The following PDE8A variants were observed in gnomAD, a reference collection of about 807,000 sequenced individuals.
PDE8A encodes phosphodiesterase 8A.
PDE8A carries 59 observed loss-of-function variants against 105.0 expected under a neutral mutation model. The observed-to-expected ratio is 0.56, with a 90% CI of 0.46 to 0.70. The LOEUF (loss-of-function observed/expected upper bound fraction) is 0.70. Among genes scored for constraint, PDE8A ranks in the 30% least tolerant of loss-of-function variants. PDE8A has a pLI of 0.00. For missense variants in PDE8A, 1,014 were observed against 1,045.9 expected, an observed-to-expected ratio of 0.97 and a Z score of 0.42; for synonymous variants, 355 against 371.9, an observed-to-expected ratio of 0.95 and a Z score of 0.52.
intron 1 of PDE8A, among the ~76,000 whole-genome samples, chr15:85,035,195 T>C (rs923187367): frequency 1.4e-5 from 2 of 137,992 alleles, no homozygotes; most frequent in Non-Finnish European, 3.1e-5. Context: ...TCTGGGTATT[T>C]CCTTTTTTTT....
intron 11 of PDE8A, 68 bp downstream of exon 11, chr15:85,100,266 T>G: frequency 7.4e-7 from 1 of 1,345,768 alleles, no homozygotes; most frequent in Admixed American, 1.8e-5. Context: ...AAACAGATCT[T>G]TAACTAGCTT....
chr15:85,090,735 C>T lies in PDE8A; in HGVS notation c.715-309C>T, dbSNP rs773017570. On this transcript the variant is annotated intron_variant, in intron 7 of 21. Transcript: ENST00000394553. ...CTAAACAGCCCTGTTGTAGCAGCTC[C>T]TGGTTTGGCGCTGTGCACATCCCTT... The T allele has an allele frequency of 6.1e-5, 29 of 475,604 alleles. No homozygotes were observed. In the East Asian group the frequency reaches 1.4e-3, roughly 23 times the overall value. 29.5% of individuals were successfully genotyped at this position (475,604 alleles called of 1,614,324 possible).
chr15:85,115,430 T>G lies in PDE8A; in HGVS notation c.1351-9T>G. On this transcript the variant is annotated splice_polypyrimidine_tract_variant and intron_variant, in intron 14 of 21. Transcript: ENST00000394553. The stretch of plus-strand genomic sequence containing the variant: ...CTTTTCTTTTTCTTGTTTCCTTGAT[T>G]TTTATCAGGATGGTTTGCGAAGACT... 1 of 1,535,448 alleles carries G rather than the reference T, an allele frequency of 6.5e-7. No individual in the cohort carries two copies. The highest frequency in any genetic ancestry group is 8.8e-7 in the Non-Finnish European group (1 of 1,135,846).
intron 1 of PDE8A, among the ~76,000 whole-genome samples, chr15:85,028,113 A>G (rs2080549067): frequency 6.6e-6 from 1 of 152,184 alleles, no homozygotes; most frequent in Non-Finnish European, 1.5e-5. Context: ...TTTTTTAAAA[A>G]TCTTTTTTGA....
intron 1 of PDE8A, among the ~76,000 whole-genome samples, chr15:85,023,149 T>G (rs2080456791): frequency 6.6e-6 from 1 of 152,206 alleles, no homozygotes; most frequent in Non-Finnish European, 1.5e-5. Context: ...TTGCCTCATT[T>G]TGCTTTGTGA....
intron 1 of PDE8A, among the ~76,000 whole-genome samples, chr15:85,000,800 A>G (rs2080055399): frequency 6.6e-6 from 1 of 152,212 alleles, no homozygotes; most frequent in Non-Finnish European, 1.5e-5. Flanking sequence ...CTGTAGAGCC[A>G]GGTAGCTAAA....
intron 1 of PDE8A, among the ~76,000 whole-genome samples, chr15:85,055,855 T>C (rs963728548): frequency 6.6e-6 from 1 of 152,196 alleles, no homozygotes; most frequent in African/African-American, 2.4e-5. Flanking sequence ...GTCATTATGA[T>C]GTTAGCTGGT....
At chr15:85,106,222 GTCC>G (rs1287011131) in intron 11 of PDE8A, among the ~76,000 whole-genome samples, 2 of 151,792 alleles carry the variant, frequency 1.3e-5, no homozygotes, top group Admixed American at 6.6e-5. Context: ...AAATGCTGTC[GTCC>G]TCCTCCTCAT....
At chr15:85,084,056 G>GT (rs2081509705) in intron 6 of PDE8A, among the ~76,000 whole-genome samples, 1 of 146,020 alleles carries the variant, frequency 6.8e-6, no homozygotes, top group Non-Finnish European at 1.5e-5. Flanking sequence ...AGGGTTTTTT[G>GT]GTTTTTTTTT....
chr15:85,138,440 ATTTAT>A lies in PDE8A; in HGVS notation c.*544_*548del, dbSNP rs1192257059. Reference sequence around the variant, plus strand: ...TTATTAATATCAATTAAAATGTTTTATTTATTTTATTAAAAGCTCAATATTTTCTA... The same window carrying A: ...TTATTAATATCAATTAAAATGTTTTATTTATTAAAAGCTCAATATTTTCTA... On this transcript the variant is annotated 3_prime_UTR_variant, in exon 22 of 22. Transcript: ENST00000394553. The A allele has an allele frequency of 6.6e-6, 1 of 152,546 alleles. No individual in the cohort carries two copies. The highest frequency in any genetic ancestry group is 6.5e-5 in the Admixed American group (1 of 15,282). 9.4% of individuals were successfully genotyped at this position (152,546 alleles called of 1,614,324 possible). A position where few individuals can be genotyped will look rare whatever the true frequency, so the allele number is the denominator to read the frequency against.
At chr15:85,122,062 C>T (rs557743189) in intron 18 of PDE8A, among the ~76,000 whole-genome samples, 50 of 152,314 alleles carry the variant, frequency 3.3e-4, no homozygotes, top group African/African-American at 1.2e-3. Flanking sequence ...GCTCAGCATA[C>T]ATCTCCTTGG....
At chr15:84,981,780 G>A (rs1490910146), upstream of PDE8A, among the ~76,000 whole-genome samples, 1 of 151,136 alleles carries the variant, frequency 6.6e-6, no homozygotes, top group East Asian at 1.9e-4. Context: ...CGAGGGCAGC[G>A]TGGCTCGCGC....
upstream of PDE8A, among the ~76,000 whole-genome samples, chr15:84,981,435 G>T (rs1007980425): frequency 6.6e-6 from 1 of 152,164 alleles, no homozygotes; most frequent in Non-Finnish European, 1.5e-5. Flanking sequence ...GCGCGCAGCC[G>T]TTTCTGCGCT....
At chr15:85,079,669 T>C (rs1421666874) in intron 5 of PDE8A, among the ~76,000 whole-genome samples, 1 of 152,144 alleles carries the variant, frequency 6.6e-6, no homozygotes, top group Non-Finnish European at 1.5e-5. Flanking sequence ...TCCCAACACT[T>C]TGGGAGGCTG....
intron 1 of PDE8A, among the ~76,000 whole-genome samples, chr15:84,992,069 A>G (rs1301889265): frequency 6.6e-6 from 1 of 152,260 alleles, no homozygotes; most frequent in East Asian, 1.9e-4. Flanking sequence ...GTTCAGGCAA[A>G]TAAAGTTTAT....
intron 1 of PDE8A, among the ~76,000 whole-genome samples, chr15:85,051,971 C>G (rs1360489708): frequency 4.0e-5 from 6 of 151,804 alleles, no homozygotes; most frequent in East Asian, 1.9e-4. Context: ...TCCCCTCCCC[C>G]CTCCCCACAC....
At chr15:85,059,029 C>T (rs1172027176) in intron 1 of PDE8A, among the ~76,000 whole-genome samples, 1 of 152,024 alleles carries the variant, frequency 6.6e-6, no homozygotes, top group African/African-American at 2.4e-5. Context: ...TATTAATGTT[C>T]CCCTTAGCCT....
intron 8 of PDE8A, among the ~76,000 whole-genome samples, chr15:85,092,866 T>C (rs946014899): frequency 2.0e-5 from 3 of 151,974 alleles, no homozygotes; most frequent in South Asian, 2.1e-4. Context: ...ATTATACTTA[T>C]TGTGAGCAAG....
intron 1 of PDE8A, among the ~76,000 whole-genome samples, chr15:84,995,821 T>TA (rs1407923612): frequency 6.6e-6 from 1 of 152,250 alleles, no homozygotes; most frequent in Non-Finnish European, 1.5e-5. Flanking sequence ...AGGCATGCAC[T>TA]ACTTTACCCT....
Sources: gnomAD v4.1 joint callset for allele counts (sites outside exome capture counted in the v4.1 genomes callset) on GRCh38, gnomAD v4.1.1 for gene constraint, MANE v1.5 for transcripts, NCBI Gene and HGNC (gene_info 2026-07-23, HGNC 2026-07-21) for gene names.